SQOR: variants seen among roughly 807,000 people sequenced by gnomAD.
SQOR encodes the protein sulfide quinone oxidoreductase.
Under a neutral mutation model 48.6 loss-of-function variants are expected in SQOR, and 39 were observed. The observed-to-expected ratio is 0.80, with a 90% CI of 0.62 to 1.05. SQOR has a LOEUF of 1.05. SQOR is among the 50% of genes least tolerant of loss of function. The probability of loss-of-function intolerance (pLI) is 0.00; values close to 1 mark genes in which losing one functional copy is unlikely to be tolerated. For synonymous variants in SQOR, 220 were observed against 206.2 expected, an observed-to-expected ratio of 1.07 and a Z score of -0.57; for missense variants, 561 against 559.9, an observed-to-expected ratio of 1.00 and a Z score of -0.02.
chr15:45,655,707 A>G (rs1889591873), intron 1 of SQOR, among the ~76,000 whole-genome samples: 1 of 148,394 alleles, frequency 6.7e-6, no homozygotes, highest in Admixed American at 6.8e-5. Flanking sequence ...TTTTTGAGAC[A>G]GAGTCTCACT....
At chr15:45,688,945 T>C (rs1411685957) in intron 8 of SQOR, 94 bp from the exon 9 acceptor site, 6 of 1,009,900 alleles carry the variant, frequency 5.9e-6, no homozygotes, top group Non-Finnish European at 8.6e-6. Flanking sequence ...AGAAAAAATA[T>C]ATAAGCACTC....
At chr15:45,655,832 C>T (rs1390258575) in intron 1 of SQOR, among the ~76,000 whole-genome samples, 1 of 151,998 alleles carries the variant, frequency 6.6e-6, no homozygotes, top group Non-Finnish European at 1.5e-5. Context: ...TACAGGTGTA[C>T]ACCACCATGC....
intron 2 of SQOR, among the ~76,000 whole-genome samples, chr15:45,660,460 C>T (rs575649617): frequency 4.6e-5 from 7 of 152,248 alleles, no homozygotes; most frequent in East Asian, 1.9e-4. Context: ...AATGCGTGGG[C>T]GGGTCTCCCA....
rs140523690 is a variant in SQOR, at chr15:45,645,179, C to G, written c.-18+10071C>G. 1.6e-3 allele frequency among the ~76,000 whole-genome samples: 249 copies of G among 152,310 alleles called. 1 individual carries two copies. The highest frequency in any genetic ancestry group is 3.2e-3 in the Non-Finnish European group (215 of 68,028). The stretch of plus-strand genomic sequence containing the variant: ...GCTGTAAATATTACTGGACACGTTA[C>G]TTGCATGTATTTTGGATTAAGAGGA... On this transcript the variant is annotated intron_variant, in intron 1 of 9. Transcript: ENST00000260324.
intron 6 of SQOR, among the ~76,000 whole-genome samples, chr15:45,679,264 T>C (rs1173507388): frequency 6.6e-6 from 1 of 152,244 alleles, no homozygotes; most frequent in Non-Finnish European, 1.5e-5. Flanking sequence ...TAACCCTGGC[T>C]ACATATTAGG....
chr15:45,677,046 A>C (rs1157171373), intron 6 of SQOR, among the ~76,000 whole-genome samples: 1 of 152,054 alleles, frequency 6.6e-6, no homozygotes, highest in African/African-American at 2.4e-5. Flanking sequence ...GTCTAAAAAA[A>C]AAAAAAAAAA....
intron 6 of SQOR, among the ~76,000 whole-genome samples, chr15:45,679,622 C>T (rs1241968828): frequency 1.3e-5 from 2 of 152,150 alleles, no homozygotes; most frequent in Non-Finnish European, 2.9e-5. Flanking sequence ...ATTGCTTGAA[C>T]CTGGGAGGCG....
intron 3 of SQOR, among the ~76,000 whole-genome samples, chr15:45,666,792 C>T (rs1372828022): frequency 1.7e-5 from 1 of 59,096 alleles, no homozygotes. Context: ...CTCCCCTTCT[C>T]TCCCCTCCCC....
At chr15:45,662,603 C>A (rs1889741218) in intron 3 of SQOR, among the ~76,000 whole-genome samples, 1 of 152,178 alleles carries the variant, frequency 6.6e-6, no homozygotes, top group Admixed American at 6.5e-5. Context: ...GAGGTTCATG[C>A]CAGCGCTAAG....
intron 7 of SQOR, among the ~76,000 whole-genome samples, chr15:45,684,774 C>T (rs924716826): frequency 2.6e-5 from 4 of 152,192 alleles, no homozygotes; most frequent in African/African-American, 9.6e-5. Context: ...TAGCCTTCTT[C>T]AAACAAATAT....
At chr15:45,675,900 T>A (rs997474293) in intron 5 of SQOR, among the ~76,000 whole-genome samples, 4 of 152,076 alleles carry the variant, frequency 2.6e-5, no homozygotes, top group African/African-American at 9.7e-5. Flanking sequence ...AGCCCCCAAC[T>A]CAAGTGTGTA....
At chr15:45,647,798 C>G (rs1641835665) in intron 1 of SQOR, among the ~76,000 whole-genome samples, 1 of 152,056 alleles carries the variant, frequency 6.6e-6, no homozygotes, top group African/African-American at 2.4e-5. Flanking sequence ...TGCCTGTAAT[C>G]CCAGCTACTC....
intron 3 of SQOR, among the ~76,000 whole-genome samples, chr15:45,666,806 T>TCTCCTCTCCCCTCCCCTCCC (rs1889828512): frequency 4.2e-5 from 1 of 23,636 alleles, no homozygotes; most frequent in Non-Finnish European, 7.4e-5. Flanking sequence ...CCTCCCCTCC[T>TCTCCTCTCCCCTCCCCTCCC]CTCCTCTCCC....
intron 4 of SQOR, 96 bp from the exon 5 acceptor site, chr15:45,673,511 C>T (rs1889978448): frequency 7.4e-7 from 1 of 1,354,718 alleles, no homozygotes; most frequent in African/African-American, 1.5e-5. Flanking sequence ...AATGATAGTA[C>T]TGAAATATTT....
intron 1 of SQOR, among the ~76,000 whole-genome samples, chr15:45,647,744 C>T (rs1595571329): frequency 1.3e-5 from 2 of 151,992 alleles, no homozygotes; most frequent in South Asian, 2.1e-4. Context: ...GGCAAAATCC[C>T]GCCTCTACTA....
At chr15:45,666,606 G>T (rs1057374181) in intron 3 of SQOR, among the ~76,000 whole-genome samples, 2 of 152,084 alleles carry the variant, frequency 1.3e-5, no homozygotes, top group Admixed American at 6.5e-5. Context: ...ATTTTTAAAA[G>T]AATACATAAA....
chr15:45,670,856 G>A (rs920741656), intron 4 of SQOR, among the ~76,000 whole-genome samples: 13 of 152,138 alleles, frequency 8.5e-5, no homozygotes, highest in African/African-American at 2.4e-4. Context: ...GCCATGGGTC[G>A]TGAGTCTGTT....
Position 45,659,058 on chromosome 15 carries a change from G to A in SQOR, c.135G>A (p.Glu45=), listed in dbSNP as rs1566918004. 2 of 1,597,038 alleles carry A rather than the reference G, an allele frequency of 1.3e-6. No homozygotes were observed. Among genetic ancestry groups the A allele is most frequent in the Non-Finnish European group, 1.7e-6 (2 of 1,172,388 alleles). Residue 45 remains glutamate (E), a synonymous_variant, in exon 2 of 10, where the codon GAG becomes GAA. Coordinates refer to ENST00000260324, the MANE Select transcript of SQOR (RefSeq NM_021199.4). The stretch of plus-strand genomic sequence containing the variant: ...GCCATGCGGCCAGGAACCATTATGA[G>A]GTGCTGGTGCTGGGTGGGGGCAGTG... ...GASHAARNHY[E]VLVLGGGSGG...
chr15:45,673,829 G>A (rs1395602797), intron 5 of SQOR, 28 bp downstream of exon 5: 3 of 1,608,760 alleles, frequency 1.9e-6, no homozygotes, highest in South Asian at 2.2e-5. Flanking sequence ...GGACAGAGAT[G>A]AGCAGGGCGG....
Sources: allele counts gnomAD v4.1 joint callset (sites outside exome capture counted in the v4.1 genomes callset), GRCh38; gene constraint gnomAD v4.1.1; transcripts MANE v1.5; gene names NCBI Gene and HGNC (gene_info 2026-07-23, HGNC 2026-07-21).